Variants in CNNM2 observed in about 807,000 individuals in gnomAD.
CNNM2 encodes the protein metal transporter CNNM2.
Under a neutral mutation model 66.9 loss-of-function variants are expected in CNNM2, and 12 were observed. The ratio of observed to expected loss-of-function variants is 0.18; its 90% CI spans 0.11 to 0.29. CNNM2 has a LOEUF of 0.29. Ranked by LOEUF, CNNM2 falls within the 10% of genes least tolerant of loss-of-function variation. The probability of loss-of-function intolerance (pLI) is 1.00; values close to 1 mark genes in which losing one functional copy is unlikely to be tolerated. For missense variants in CNNM2, 705 were observed against 1,167.7 expected, an observed-to-expected ratio of 0.60 and a Z score of 5.77; for synonymous variants, 557 against 501.8, an observed-to-expected ratio of 1.11 and a Z score of -1.47.
At chr10:102,950,668 C>G (rs937949958) in intron 1 of CNNM2, among the ~76,000 whole-genome samples, 1 of 151,746 alleles carries the variant, frequency 6.6e-6, no homozygotes, top group African/African-American at 2.4e-5. Flanking sequence ...GCTGGAGGAT[C>G]GCTTAAGCCC....
chr10:102,928,549 T>C (rs1845955755), intron 1 of CNNM2, among the ~76,000 whole-genome samples: 1 of 145,258 alleles, frequency 6.9e-6, no homozygotes, highest in Admixed American at 7.1e-5. Context: ...GCCACTGCAC[T>C]CCAGCCTGGG....
chr10:103,003,286 G>C (rs2064159702), intron 1 of CNNM2, among the ~76,000 whole-genome samples: 1 of 151,900 alleles, frequency 6.6e-6, no homozygotes, highest in Non-Finnish European at 1.5e-5. Context: ...GATAATTTTT[G>C]TGGTTTTAGT....
In CNNM2 at chr10:103,068,802, A is replaced by G. The variant is rs549093093; in HGVS notation, c.2167+80A>G. 49 of 1,130,184 alleles carry G rather than the reference A, an allele frequency of 4.3e-5. No individual in the cohort carries two copies. In the African/African-American group the frequency reaches 6.4e-4, roughly 15 times the overall value. The allele number at this position is 1,130,184 out of a possible 1,614,324, so 70.0% of individuals were successfully genotyped here. A position where few individuals can be genotyped will look rare whatever the true frequency, so the allele number is the denominator to read the frequency against. On this transcript the variant is annotated intron_variant, in intron 5 of 7. Transcript: ENST00000369878. The stretch of plus-strand genomic sequence containing the variant: ...CCTCTCCTTTCATCTTGCTTTCTGT[A>G]TCTGCCAGCTGACCCCATTCACTTC...
chr10:103,051,093 T>A (rs968825458), intron 2 of CNNM2, among the ~76,000 whole-genome samples: 3 of 152,154 alleles, frequency 2.0e-5, no homozygotes, highest in Non-Finnish European at 4.4e-5. Flanking sequence ...CCCAACAAGC[T>A]GGTCATTCAG....
At chr10:103,052,455 A>C (rs547513355) in intron 2 of CNNM2, among the ~76,000 whole-genome samples, 3 of 151,968 alleles carry the variant, frequency 2.0e-5, no homozygotes, top group Admixed American at 2.0e-4. Flanking sequence ...GACTGATCTC[A>C]TACAGAAGTG....
intron 1 of CNNM2, among the ~76,000 whole-genome samples, chr10:103,024,598 C>T (rs1384734481): frequency 1.3e-5 from 2 of 152,114 alleles, no homozygotes; most frequent in African/African-American, 4.8e-5. Flanking sequence ...CCTGCCTCAG[C>T]CTCCCGAGCA....
At chr10:102,977,455 A>C (rs2063652899) in intron 1 of CNNM2, among the ~76,000 whole-genome samples, 1 of 152,144 alleles carries the variant, frequency 6.6e-6, no homozygotes, top group African/African-American at 2.4e-5. Context: ...TTGTTTCTCA[A>C]ATTGTAGTTC....
At chr10:103,002,523 A>G (rs1179810021) in intron 1 of CNNM2, among the ~76,000 whole-genome samples, 1 of 140,106 alleles carries the variant, frequency 7.1e-6, no homozygotes, top group Non-Finnish European at 1.5e-5. Flanking sequence ...TTTGTCGCCC[A>G]GGCTGGAGTG....
intron 1 of CNNM2, among the ~76,000 whole-genome samples, chr10:102,958,486 T>G (rs1847134463): frequency 7.2e-6 from 1 of 139,544 alleles, no homozygotes; most frequent in Non-Finnish European, 1.5e-5. Flanking sequence ...TTTTTTTTTT[T>G]TTTGAGATGG....
At chr10:103,044,143 A>C (rs1448434327) in intron 1 of CNNM2, among the ~76,000 whole-genome samples, 2 of 152,218 alleles carry the variant, frequency 1.3e-5, no homozygotes, top group African/African-American at 2.4e-5. Context: ...TCTCGTTGGA[A>C]GTTAAGAATC....
chr10:102,979,170 A>T (rs1050022541), intron 1 of CNNM2, among the ~76,000 whole-genome samples: 3 of 152,182 alleles, frequency 2.0e-5, no homozygotes, highest in Non-Finnish European at 4.4e-5. Flanking sequence ...TTCATGAGGT[A>T]TGTGTGGGTT....
At chr10:102,991,945 G>A (rs950377638) in intron 1 of CNNM2, among the ~76,000 whole-genome samples, 2 of 152,016 alleles carry the variant, frequency 1.3e-5, no homozygotes, top group African/African-American at 4.8e-5. Flanking sequence ...TAGCTCAGCT[G>A]TATGAACTAT....
At position 103,045,184 on chromosome 10, in the gene CNNM2, C is replaced by T. The variant is rs143467426; in HGVS notation, c.1622-4523C>T. On this transcript the variant is annotated intron_variant, in intron 1 of 7. Transcript: ENST00000369878. ...GGGAAAGCAGATGTGAGAAACCTAC[C>T]GGACCAAGTGGATGAGATGAGAATT... Among the ~76,000 whole-genome samples, 2,129 of 152,226 alleles carry T rather than the reference C, an allele frequency of 0.014. 33 individuals carry two copies. Among genetic ancestry groups the T allele is most frequent in the Middle Eastern group, 0.024 (7 of 294 alleles).
At chr10:102,940,637 C>G (rs1278449441) in intron 1 of CNNM2, among the ~76,000 whole-genome samples, 4 of 151,582 alleles carry the variant, frequency 2.6e-5, no homozygotes, top group African/African-American at 7.3e-5. Context: ...CCAGGATGGT[C>G]TTGATCTCCT....
At chr10:103,013,745 A>G (rs760344104) in intron 1 of CNNM2, among the ~76,000 whole-genome samples, 4 of 152,258 alleles carry the variant, frequency 2.6e-5, no homozygotes, top group Non-Finnish European at 5.9e-5. Context: ...ATGGAAAATA[A>G]AAAGGGTGCC....
At chr10:102,945,544 C>G (rs1022055261) in intron 1 of CNNM2, among the ~76,000 whole-genome samples, 1 of 152,012 alleles carries the variant, frequency 6.6e-6, no homozygotes, top group East Asian at 1.9e-4. Flanking sequence ...CTGCTCCCCC[C>G]ACTCCATCCC....
chr10:103,039,964 C>G (rs1054204111), intron 1 of CNNM2, among the ~76,000 whole-genome samples: 1 of 152,264 alleles, frequency 6.6e-6, no homozygotes, highest in Non-Finnish European at 1.5e-5. Context: ...GTCAGGAGTT[C>G]AAGACCAGCC....
intron 1 of CNNM2, among the ~76,000 whole-genome samples, chr10:102,968,031 C>G (rs1370436529): frequency 6.6e-6 from 1 of 152,104 alleles, no homozygotes; most frequent in African/African-American, 2.4e-5. Flanking sequence ...CCTGTGGGCA[C>G]TTGCATGAAG....
chr10:102,982,309 A>T (rs986939861), intron 1 of CNNM2, among the ~76,000 whole-genome samples: 3 of 152,188 alleles, frequency 2.0e-5, no homozygotes, highest in African/African-American at 7.2e-5. Context: ...CTTAAGCTCC[A>T]CTGAAGACAG....
Sources: allele counts gnomAD v4.1 joint callset (sites outside exome capture counted in the v4.1 genomes callset), GRCh38; gene constraint gnomAD v4.1.1; transcripts MANE v1.5; gene names NCBI Gene and HGNC (gene_info 2026-07-23, HGNC 2026-07-21).